Variants in RBFOX1 observed in about 807,000 individuals in gnomAD.
RBFOX1 encodes RNA binding fox-1 homolog 1.
In RBFOX1, 8 loss-of-function variants were observed where a neutral mutation model predicts 57.7. That is an observed-to-expected ratio of 0.14 (90% CI 0.08 to 0.25). RBFOX1 has a LOEUF of 0.25. RBFOX1 is among the 10% of genes least tolerant of loss of function. RBFOX1 has a pLI of 1.00. For missense variants in RBFOX1, 611 were observed against 548.5 expected (o/e 1.11, Z -1.14); for synonymous variants, 326 against 222.4 (o/e 1.47, Z -4.15).
intron 2 of RBFOX1, among the ~76,000 whole-genome samples, chr16:6,477,916 C>T (rs1049651742): frequency 3.3e-5 from 5 of 152,120 alleles, no homozygotes; most frequent in African/African-American, 1.2e-4. Context: ...TCCTCCTTGC[C>T]TTCAACCTCA....
intron 3 of RBFOX1, among the ~76,000 whole-genome samples, chr16:7,039,891 A>C (rs981956961): frequency 4.0e-5 from 6 of 151,504 alleles, no homozygotes; most frequent in African/African-American, 1.2e-4. Flanking sequence ...TTACTTTCCT[A>C]CTGAAGAGAA....
intron 11 of RBFOX1, among the ~76,000 whole-genome samples, chr16:7,647,214 G>C (rs2063921010): frequency 6.6e-6 from 1 of 152,164 alleles, no homozygotes; most frequent in Admixed American, 6.5e-5. Flanking sequence ...CTAGCTGAAG[G>C]GTGAGAGTGG....
chr16:7,677,939 AG>A (rs1214035522), intron 14 of RBFOX1, among the ~76,000 whole-genome samples: 1 of 152,138 alleles, frequency 6.6e-6, no homozygotes, highest in Non-Finnish European at 1.5e-5. Context: ...CTTTCTCTGC[AG>A]TTCCATTCCA....
At chr16:5,433,751 G>T (rs1328062370) in intron 1 of RBFOX1, among the ~76,000 whole-genome samples, 5 of 152,180 alleles carry the variant, frequency 3.3e-5, no homozygotes, top group Admixed American at 3.3e-4. Flanking sequence ...CTCCATGGGA[G>T]ATTCCGTAGC....
intron 3 of RBFOX1, among the ~76,000 whole-genome samples, chr16:5,619,510 C>G (rs1446301722): frequency 1.3e-5 from 2 of 152,184 alleles, no homozygotes. Flanking sequence ...AGGGAGCGAT[C>G]TTATCCTGTT....
rs1267083510 is a variant in RBFOX1, at chr16:5,980,175, C to CA, written c.351+112841dup. On this transcript the variant is annotated intron_variant, in intron 4 of 19. Transcript: ENST00000641259. ...ACAATTCTGTTTATTTAGCTTCGGG[C>CA]ATAAAGGTCAAGTGTTAAAATGCTT... Among the ~76,000 whole-genome samples, 5 of 152,328 alleles carry CA rather than the reference C, an allele frequency of 3.3e-5. No homozygotes were observed. In the East Asian group the frequency reaches 9.7e-4, roughly 29 times the overall value.
intron 3 of RBFOX1, among the ~76,000 whole-genome samples, chr16:6,720,448 A>G (rs1478164865): frequency 6.6e-6 from 1 of 152,126 alleles, no homozygotes; most frequent in African/African-American, 2.4e-5. Context: ...GTAGTTCTTT[A>G]TAGCATTGCA....
chr16:5,944,790 T>TAATAAAAAAAAAAAA (rs2059360672), intron 4 of RBFOX1, among the ~76,000 whole-genome samples: 1 of 41,260 alleles, frequency 2.4e-5, no homozygotes, highest in South Asian at 8.5e-4. Context: ...CTGTCTCTGC[T>TAATAAAAAAAAAAAA]AAAAAAAAAA....
intron 2 of RBFOX1, among the ~76,000 whole-genome samples, chr16:6,640,362 A>G (rs985033695): frequency 6.6e-6 from 1 of 152,094 alleles, no homozygotes; most frequent in Non-Finnish European, 1.5e-5. Context: ...TAATCCCAGA[A>G]CTTGGGGAGG....
At chr16:5,793,151 GC>G (rs983162457) in intron 3 of RBFOX1, among the ~76,000 whole-genome samples, 5 of 152,116 alleles carry the variant, frequency 3.3e-5, no homozygotes, top group Non-Finnish European at 5.9e-5. Context: ...TTTCTCTCTG[GC>G]TGGTCTCACT....
chr16:7,138,886 G>T (rs2072807513), intron 4 of RBFOX1, among the ~76,000 whole-genome samples: 2 of 152,132 alleles, frequency 1.3e-5, no homozygotes, highest in African/African-American at 4.8e-5. Flanking sequence ...TAGGCTCAGT[G>T]CAAGCTCCGC....
intron 1 of RBFOX1, among the ~76,000 whole-genome samples, chr16:5,387,140 T>C (rs1350608733): frequency 6.6e-6 from 1 of 152,226 alleles, no homozygotes; most frequent in Non-Finnish European, 1.5e-5. Context: ...GGCTCAAATC[T>C]TGGGGTGTAA....
chr16:6,481,276 T>G (rs2095367304), intron 2 of RBFOX1, among the ~76,000 whole-genome samples: 1 of 152,210 alleles, frequency 6.6e-6, no homozygotes, highest in Non-Finnish European at 1.5e-5. Flanking sequence ...AATGTGGGCC[T>G]TCATGTCCCT....
chr16:7,567,278 T>TCCCTATATATGG lies in RBFOX1; in HGVS notation c.271-12489_271-12488insGGCCCTATATAT, dbSNP rs1567865045. Among the ~76,000 whole-genome samples, 13 of 136,232 alleles carry TCCCTATATATGG rather than the reference T, an allele frequency of 9.5e-5. No individual in the cohort carries two copies. In the South Asian group the frequency reaches 2.7e-3, roughly 29 times the overall value. 89.4% of individuals were successfully genotyped at this position (136,232 alleles called of 152,430 possible). On this transcript the variant is annotated intron_variant, in intron 5 of 15. Coordinates refer to ENST00000550418, the MANE Select transcript of RBFOX1 (RefSeq NM_018723.4). ...ATATATATATATCCCTATATATATA[T>TCCCTATATATGG]CCCTATATATCCTTATATATGGCCC...
intron 3 of RBFOX1, among the ~76,000 whole-genome samples, chr16:6,872,265 C>A (rs377272468): frequency 4.6e-5 from 7 of 152,152 alleles, no homozygotes; most frequent in Non-Finnish European, 4.4e-5. Flanking sequence ...GAATAAAACA[C>A]ATCTATCCAG....
chr16:6,272,766 C>T (rs184636065), intron 1 of RBFOX1, among the ~76,000 whole-genome samples: 2 of 151,950 alleles, frequency 1.3e-5, no homozygotes, highest in African/African-American at 2.4e-5. Context: ...TGTATAGAAC[C>T]CAGAAATAGA....
chr16:6,546,811 G>T (rs2096902759), intron 2 of RBFOX1, among the ~76,000 whole-genome samples: 1 of 152,158 alleles, frequency 6.6e-6, no homozygotes, highest in Non-Finnish European at 1.5e-5. Context: ...GGGGTCATAG[G>T]CTCCATAATA....
intron 4 of RBFOX1, among the ~76,000 whole-genome samples, chr16:7,501,454 A>C (rs369386312): frequency 6.6e-6 from 1 of 152,184 alleles, no homozygotes; most frequent in African/African-American, 2.4e-5. Flanking sequence ...TGTGCTTGCC[A>C]TTCCAATAGT....
chr16:7,490,795 C>T (rs1011484919), intron 4 of RBFOX1, among the ~76,000 whole-genome samples: 1 of 152,228 alleles, frequency 6.6e-6, no homozygotes, highest in African/African-American at 2.4e-5. Flanking sequence ...CTCAAAAAGA[C>T]CCACCTAATA....
Sources: allele counts gnomAD v4.1 joint callset (sites outside exome capture counted in the v4.1 genomes callset), GRCh38; gene constraint gnomAD v4.1.1; transcripts MANE v1.5; gene names NCBI Gene and HGNC (gene_info 2026-07-23, HGNC 2026-07-21).